PRPF8: variants seen among roughly 807,000 people sequenced by gnomAD.
The protein encoded by PRPF8 is pre-mRNA-processing-splicing factor 8.
A neutral mutation model predicts 285.9 loss-of-function variants in PRPF8; 64 were observed. The observed-to-expected ratio is 0.22, with a 90% CI of 0.18 to 0.28. The LOEUF is 0.28. Ranked by LOEUF, PRPF8 falls within the 10% of genes least tolerant of loss-of-function variation. The pLI is 1.00. For synonymous variants in PRPF8, 1,325 were observed against 1,118.2 expected, an observed-to-expected ratio of 1.18 and a Z score of -3.69; for missense variants, 1,426 against 3,026.7, an observed-to-expected ratio of 0.47 and a Z score of 12.41.
At position 1,673,802 on chromosome 17, in the gene PRPF8, G is replaced by C; in HGVS notation, c.3390C>G (p.Asn1130Lys). Residue 1130 changes from asparagine to lysine, a missense_variant, in exon 22 of 43, where the codon AAC (asparagine) becomes AAG (lysine). Around this residue, in one of 34 missense-constraint regions of PRPF8, gnomAD observed 148 missense variants for 196.2 expected, o/e 0.75. Transcript: ENST00000304992. This position sits in a 1 kb window ranked among gnomAD's most constrained non-coding sequence, Gnocchi z 5.5. ...GGGCATCTCGGGGCCAGCACTTCTT[G>C]TTATTATAGCCAACGATGTTTTCAT... ...PNNENIVGYN[N>K]KKCWPRDARM... The C allele has an allele frequency of 6.2e-7, 1 of 1,614,084 alleles. No individual in the cohort carries two copies. Among genetic ancestry groups the C allele is most frequent in the Middle Eastern group, 1.7e-4 (1 of 6,058 alleles).
At chr17:1,664,206 T>C (rs1220604282) in intron 24 of PRPF8, among the ~76,000 whole-genome samples, 5 of 151,916 alleles carry the variant, frequency 3.3e-5, no homozygotes, top group Non-Finnish European at 7.4e-5. Flanking sequence ...AATTTTTGTA[T>C]TTTTTTTGTA....
At chr17:1,657,515 G>A (rs1021393377) in intron 34 of PRPF8, among the ~76,000 whole-genome samples, 9 of 151,452 alleles carry the variant, frequency 5.9e-5, no homozygotes, top group Admixed American at 1.3e-4. Flanking sequence ...GCGTGGTGGC[G>A]GGCACCTGTA....
At chr17:1,670,944 A>AG (rs1912279705) in intron 24 of PRPF8, among the ~76,000 whole-genome samples, 1 of 135,290 alleles carries the variant, frequency 7.4e-6, no homozygotes, top group African/African-American at 3.5e-5. Flanking sequence ...CCAAAAAAAA[A>AG]AAAGAAGAAA....
At chr17:1,664,499 C>T (rs945778505) in intron 24 of PRPF8, among the ~76,000 whole-genome samples, 23 of 152,234 alleles carry the variant, frequency 1.5e-4, no homozygotes, top group African/African-American at 5.1e-4. Flanking sequence ...AGAGACTGTA[C>T]GCTAGGACAT....
rs1338282579 is a variant in PRPF8, at chr17:1,679,828, G to A, written c.1099-29C>T. 1.2e-6 allele frequency: 2 copies of A among 1,612,840 alleles called. No homozygotes were observed. The highest frequency in any genetic ancestry group is 8.5e-7 in the Non-Finnish European group (1 of 1,178,772). On this transcript the variant is annotated intron_variant, in intron 8 of 42. Coordinates refer to ENST00000304992, the MANE Select transcript of PRPF8 (RefSeq NM_006445.4). This position sits in a 1 kb window ranked among gnomAD's most constrained non-coding sequence, Gnocchi z 4.7. ...AAAAAGGAATCCCTCTAAGGGTTTA[G>A]CTCCTGCTGAACTAGGCACAGACTT...
Position 1,651,964 on chromosome 17 carries a change from C to T in PRPF8, c.6370-176G>A. On this transcript the variant is annotated intron_variant, in intron 39 of 42. Coordinates refer to ENST00000304992, the MANE Select transcript of PRPF8 (RefSeq NM_006445.4). This position sits in a 1 kb window ranked among gnomAD's most constrained non-coding sequence, Gnocchi z 5.1. ...GCTTGTTCAAAATGTTAGACATGGA[C>T]CTCATCGCGGACTTACCACATCAGA... 4 of 798,156 alleles carry T rather than the reference C, an allele frequency of 5.0e-6. No homozygotes were observed. In the Admixed American group the frequency reaches 6.1e-5, roughly 12 times the overall value. The allele number at this position is 798,156 out of a possible 1,614,324, so 49.4% of individuals were successfully genotyped here.
intron 24 of PRPF8, among the ~76,000 whole-genome samples, chr17:1,663,407 T>C (rs765244886): frequency 6.6e-6 from 1 of 151,816 alleles, no homozygotes; most frequent in Non-Finnish European, 1.5e-5. Flanking sequence ...AGGCAAACAT[T>C]GTCAAATTGG....
Position 1,673,299 on chromosome 17 carries a change from G to A in PRPF8, c.3657+58C>T, listed in dbSNP as rs1912427353. ...TCTTTCCACCCAACAAGACTCCGGTGACTGACCCAGGAAGTGCAGGCGCGT... is the reference window on the plus strand; with the variant it reads ...TCTTTCCACCCAACAAGACTCCGGTAACTGACCCAGGAAGTGCAGGCGCGT... On this transcript the variant is annotated intron_variant, in intron 23 of 42. Transcript: ENST00000304992. This position sits in a 1 kb window ranked among gnomAD's most constrained non-coding sequence, Gnocchi z 5.5. 6.2e-7 allele frequency: 1 copy of A among 1,608,024 alleles called. No individual in the cohort carries two copies. The highest frequency in any genetic ancestry group is 8.5e-7 in the Non-Finnish European group (1 of 1,175,230).
intron 13 of PRPF8, 45 bp downstream of exon 13, chr17:1,678,473 G>C (rs1264573971): frequency 6.2e-7 from 1 of 1,610,982 alleles, no homozygotes; most frequent in East Asian, 2.2e-5. Flanking sequence ...ACAAGAGTAA[G>C]ACTCTGTCTC....
In PRPF8 at chr17:1,675,194, G is replaced by A. The variant is rs192274713; in HGVS notation, c.3018C>T (p.Ala1006=). The A allele has an allele frequency of 9.3e-6, 15 of 1,614,048 alleles. No homozygotes were observed. The Admixed American group carries it at 1.0e-4, about 11-fold the overall frequency. The change falls in exon 20 of 43, where the codon GCC becomes GCT. Residue 1006 remains alanine, a synonymous_variant. Coordinates refer to ENST00000304992, the MANE Select transcript of PRPF8 (RefSeq NM_006445.4). The surrounding 1 kb of genome is among the most constrained non-coding windows in gnomAD (Gnocchi z 6.0). ...LLRLIVDHNI[A]DYMTAKNNVV... ...CGTTGTTCTTGGCTGTCATGTAGTC[G>A]GCTATGTTGTGGTCCACGATGAGGC...
At chr17:1,667,191 C>T (rs1051503930) in intron 24 of PRPF8, among the ~76,000 whole-genome samples, 1 of 151,952 alleles carries the variant, frequency 6.6e-6, no homozygotes, top group African/African-American at 2.4e-5. Context: ...AAAGGAGGGC[C>T]AGGGGCCAGG....
chr17:1,664,304 A>AT (rs1682687104), intron 24 of PRPF8, among the ~76,000 whole-genome samples: 1 of 152,164 alleles, frequency 6.6e-6, no homozygotes, highest in African/African-American at 2.4e-5. Flanking sequence ...AACTGCTGGG[A>AT]TTACTAGAGA....
chr17:1,670,374 CTT>C (rs1912239864), intron 24 of PRPF8, among the ~76,000 whole-genome samples: 3 of 152,202 alleles, frequency 2.0e-5, no homozygotes, highest in Admixed American at 2.0e-4. Context: ...TCATTTTTGA[CTT>C]TTCTTTGAGC....
At chr17:1,660,648 G>A (rs1380903943) in intron 29 of PRPF8, 50 bp downstream of exon 29, 2 of 1,614,214 alleles carry the variant, frequency 1.2e-6, no homozygotes, top group East Asian at 2.2e-5. Flanking sequence ...ACCAAGGCAA[G>A]AAGCAGCAAC....
chr17:1,666,694 C>T (rs1008037030), intron 24 of PRPF8, among the ~76,000 whole-genome samples: 1 of 152,144 alleles, frequency 6.6e-6, no homozygotes, highest in Admixed American at 6.6e-5. Flanking sequence ...CAAAAAATGT[C>T]TTCTGAACAA....
At chr17:1,660,360 A>G (rs1363703956) in intron 30 of PRPF8, 72 bp downstream of exon 30, 1 of 1,608,436 alleles carries the variant, frequency 6.2e-7, no homozygotes, top group Non-Finnish European at 8.5e-7. Flanking sequence ...CTGACTCTGT[A>G]CAGTACCCTC....
intron 14 of PRPF8, 164 bp downstream of exon 14, chr17:1,677,401 G>A (rs150301704): frequency 3.9e-4 from 443 of 1,136,796 alleles, no homozygotes; most frequent in Admixed American, 7.1e-4. Context: ...GGCCCCAGAA[G>A]GAAGCCCAAG....
Position 1,661,598 on chromosome 17 carries a change from C to T in PRPF8, c.4202+13G>A. ...CCCTGCCCCAGGGTTGGCATGCCCT[C>T]CTAGGTGCCCACCTGTTCTGAGCAA... On this transcript the variant is annotated intron_variant, in intron 26 of 42. Coordinates refer to ENST00000304992, the MANE Select transcript of PRPF8 (RefSeq NM_006445.4). This position sits in a 1 kb window ranked among gnomAD's most constrained non-coding sequence, Gnocchi z 7.3. 2 of 1,612,774 alleles carry T rather than the reference C, an allele frequency of 1.2e-6. No individual in the cohort carries two copies. Among genetic ancestry groups the T allele is most frequent in the South Asian group, 1.1e-5 (1 of 91,026 alleles).
In PRPF8 at chr17:1,680,563, G is replaced by C. The variant is rs565046519; in HGVS notation, c.1098+163C>G. On this transcript the variant is annotated intron_variant, in intron 8 of 42. Coordinates refer to ENST00000304992, the MANE Select transcript of PRPF8 (RefSeq NM_006445.4). Reference sequence around the variant, plus strand: ...GAAAACAGGATTATACCAATGACATGTTTTAAAGCAAATGCTGAATTCTCA... The same window carrying C: ...GAAAACAGGATTATACCAATGACATCTTTTAAAGCAAATGCTGAATTCTCA... 4.4e-5 allele frequency: 32 copies of C among 733,484 alleles called. No homozygotes were observed. In the African/African-American group the frequency reaches 4.7e-4, roughly 11 times the overall value. The allele number at this position is 733,484 out of a possible 1,614,324, so 45.4% of individuals were successfully genotyped here.
Sources: gnomAD v4.1 joint callset for allele counts (sites outside exome capture counted in the v4.1 genomes callset) on GRCh38, gnomAD v4.1.1 for gene constraint, gnomAD v4.1.1 regional missense constraint, Gnocchi (gnomAD v3.1) non-coding constraint, MANE v1.5 for transcripts, NCBI Gene and HGNC (gene_info 2026-07-23, HGNC 2026-07-21) for gene names.